FHIT: variants seen among roughly 807,000 people sequenced by gnomAD.
FHIT encodes the protein fragile histidine triad diadenosine triphosphatase.
A neutral mutation model predicts 17.9 loss-of-function variants in FHIT; 19 were observed. That is an observed-to-expected ratio of 1.06 (90% CI 0.74 to 1.56). The LOEUF (loss-of-function observed/expected upper bound fraction) is 1.56. Among genes scored for constraint, FHIT ranks in the 40% most tolerant of loss-of-function variants. FHIT has a pLI of 0.00. For missense variants in FHIT, 248 were observed against 189.2 expected, an observed-to-expected ratio of 1.31 and a Z score of -1.82; for synonymous variants, 81 against 69.7, an observed-to-expected ratio of 1.16 and a Z score of -0.81.
At chr3:61,219,782 C>CA (rs1265047232) in intron 1 of FHIT, among the ~76,000 whole-genome samples, 1 of 152,132 alleles carries the variant, frequency 6.6e-6, no homozygotes, top group Non-Finnish European at 1.5e-5. Flanking sequence ...GATAGCCCTC[C>CA]AAAAAATCTT....
chr3:60,804,328 C>G (rs183248064), intron 4 of FHIT, among the ~76,000 whole-genome samples: 1 of 152,148 alleles, frequency 6.6e-6, no homozygotes, highest in African/African-American at 2.4e-5. Context: ...CTTGAAACTC[C>G]GCATCTTGCA....
At chr3:60,584,662 T>C (rs1559558485) in intron 4 of FHIT, among the ~76,000 whole-genome samples, 1 of 152,044 alleles carries the variant, frequency 6.6e-6, no homozygotes, top group Non-Finnish European at 1.5e-5. Context: ...TGTAATTTTA[T>C]GTGTTCATCT....
At chr3:60,907,898 T>C (rs1234565141) in intron 3 of FHIT, among the ~76,000 whole-genome samples, 1 of 152,206 alleles carries the variant, frequency 6.6e-6, no homozygotes, top group Non-Finnish European at 1.5e-5. Context: ...CATATATCCA[T>C]TTTACAGACA....
chr3:60,558,586 C>T (rs1243470052), intron 4 of FHIT, among the ~76,000 whole-genome samples: 4 of 152,146 alleles, frequency 2.6e-5, no homozygotes, highest in Admixed American at 1.3e-4. Flanking sequence ...TTTTTCCCCA[C>T]TAAATGCACA....
At chr3:60,558,169 G>A (rs171351) in intron 4 of FHIT, among the ~76,000 whole-genome samples, 144,162 of 151,924 alleles carry the variant, frequency 0.95, 68,465 homozygotes, top group East Asian at 1. Flanking sequence ...TCATGGAAGC[G>A]GGGCTCAGAA....
intron 5 of FHIT, among the ~76,000 whole-genome samples, chr3:60,149,122 G>A (rs565040065): frequency 2.0e-5 from 3 of 152,280 alleles, no homozygotes; most frequent in South Asian, 2.1e-4. Flanking sequence ...CTAATTGAAC[G>A]TGAAAGACAT....
chr3:60,473,459 T>A (rs1261594076), intron 5 of FHIT, among the ~76,000 whole-genome samples: 1 of 152,076 alleles, frequency 6.6e-6, no homozygotes, highest in East Asian at 1.9e-4. Context: ...CAAGAGAGAA[T>A]AAATACAATG....
At chr3:60,445,155 G>C (rs2031235868) in intron 5 of FHIT, among the ~76,000 whole-genome samples, 1 of 152,058 alleles carries the variant, frequency 6.6e-6, no homozygotes, top group Admixed American at 6.6e-5. Flanking sequence ...TTGGAAAACA[G>C]AGTAAGACAG....
chr3:60,377,396 A>ATCCTC (rs1327344641), intron 5 of FHIT, among the ~76,000 whole-genome samples: 1 of 142,294 alleles, frequency 7.0e-6, no homozygotes, highest in African/African-American at 2.6e-5. Flanking sequence ...TGACCTTGTG[A>ATCCTC]TCCTCCCGCC....
At chr3:60,932,667 T>C (rs1341944194) in intron 3 of FHIT, among the ~76,000 whole-genome samples, 2 of 152,262 alleles carry the variant, frequency 1.3e-5, no homozygotes, top group East Asian at 3.8e-4. Context: ...GTTCTCTGTC[T>C]TTGCTCCTTC....
chr3:60,368,093 A>T (rs1477177066), intron 5 of FHIT, among the ~76,000 whole-genome samples: 5 of 151,948 alleles, frequency 3.3e-5, no homozygotes, highest in African/African-American at 1.2e-4. Context: ...AAGTAAAGTG[A>T]CTATGAACAT....
Position 60,599,518 on chromosome 3 carries a change from G to A in FHIT, c.-17-62539C>T, listed in dbSNP as rs184487626. ...TATTTCCTAAGGTGACTATTAAGTC[G>A]GAGTCAAATATCAGAAACATCATCA... On this transcript the variant is annotated intron_variant, in intron 4 of 9. Transcript: ENST00000492590. 3.9e-4 allele frequency among the ~76,000 whole-genome samples: 60 copies of A among 152,034 alleles called. No homozygotes were observed. The Middle Eastern group carries it at 0.014, about 34-fold the overall frequency.
At chr3:59,869,730 C>T (rs1485058632) in intron 8 of FHIT, among the ~76,000 whole-genome samples, 1 of 151,632 alleles carries the variant, frequency 6.6e-6, no homozygotes, top group East Asian at 1.9e-4. Context: ...TCATGATCTG[C>T]CCACCTCGGC....
At chr3:60,797,790 C>T (rs1320248595) in intron 4 of FHIT, among the ~76,000 whole-genome samples, 4 of 150,876 alleles carry the variant, frequency 2.7e-5, no homozygotes, top group East Asian at 1.9e-4. Flanking sequence ...TCATAAAAAT[C>T]CAGCTACATT....
At chr3:60,204,778 G>A (rs996978647) in intron 5 of FHIT, among the ~76,000 whole-genome samples, 2 of 152,048 alleles carry the variant, frequency 1.3e-5, no homozygotes, top group Admixed American at 6.6e-5. Flanking sequence ...TCTGATACAT[G>A]GTAGATTAAA....
intron 5 of FHIT, among the ~76,000 whole-genome samples, chr3:60,047,792 C>G (rs926118185): frequency 1.3e-5 from 2 of 152,180 alleles, no homozygotes; most frequent in Admixed American, 1.3e-4. Flanking sequence ...CTAAGAGTCC[C>G]AGAGCCAGTA....
At chr3:59,796,853 G>A (rs942368301) in intron 8 of FHIT, among the ~76,000 whole-genome samples, 1 of 152,124 alleles carries the variant, frequency 6.6e-6, no homozygotes, top group Non-Finnish European at 1.5e-5. Context: ...TTTGCTATCT[G>A]TGCCAAAAAT....
chr3:60,928,243 C>G (rs1267215241), intron 3 of FHIT, among the ~76,000 whole-genome samples: 3 of 151,518 alleles, frequency 2.0e-5, no homozygotes, highest in African/African-American at 7.3e-5. Flanking sequence ...GACCTTCTCT[C>G]CACTATTGTC....
intron 4 of FHIT, among the ~76,000 whole-genome samples, chr3:60,652,425 A>C (rs2040012161): frequency 6.6e-6 from 1 of 151,944 alleles, no homozygotes; most frequent in Non-Finnish European, 1.5e-5. Context: ...AACACGGTGA[A>C]ATCCCATCTC....
Sources: gnomAD v4.1 joint callset for allele counts (sites outside exome capture counted in the v4.1 genomes callset) on GRCh38, gnomAD v4.1.1 for gene constraint, MANE v1.5 for transcripts, NCBI Gene and HGNC (gene_info 2026-07-23, HGNC 2026-07-21) for gene names.